The following RABGAP1L variants were observed in gnomAD, a reference collection of about 807,000 sequenced individuals.
RABGAP1L encodes RAB GTPase activating protein 1 like, also known as rab GTPase-activating protein 1-like.
A neutral mutation model predicts 137.7 loss-of-function variants in RABGAP1L; 63 were observed. The observed-to-expected ratio is 0.46, with a 90% CI of 0.37 to 0.56. The LOEUF is 0.56. Among genes scored for constraint, RABGAP1L ranks in the 20% least tolerant of loss-of-function variants. The probability of loss-of-function intolerance (pLI) is 0.00; values close to 1 mark genes in which losing one functional copy is unlikely to be tolerated. For synonymous variants in RABGAP1L, 431 were observed against 433.7 expected (o/e 0.99, Z 0.08); for missense variants, 1,095 against 1,244.0 (o/e 0.88, Z 1.80).
At chr1:174,485,090 G>C (rs1280862427) in intron 13 of RABGAP1L, among the ~76,000 whole-genome samples, 1 of 151,884 alleles carries the variant, frequency 6.6e-6, no homozygotes, top group Non-Finnish European at 1.5e-5. Context: ...TTAATTCCTA[G>C]GTATTTAATT....
At chr1:174,566,143 T>C (rs1005566838) in intron 13 of RABGAP1L, among the ~76,000 whole-genome samples, 2 of 152,152 alleles carry the variant, frequency 1.3e-5, no homozygotes, top group African/African-American at 4.8e-5. Context: ...AAGCTTTTGG[T>C]AATTTCATTG....
chr1:174,704,255 G>A (rs1451742537), intron 17 of RABGAP1L, among the ~76,000 whole-genome samples: 1 of 152,220 alleles, frequency 6.6e-6, no homozygotes, highest in Non-Finnish European at 1.5e-5. Context: ...TTAGAGGCAT[G>A]AGCCACTGCT....
Position 174,925,087 on chromosome 1 carries a change from C to G in RABGAP1L, c.2341-32370C>G, listed in dbSNP as rs1662489225. Among the ~76,000 whole-genome samples the G allele has an allele frequency of 2.0e-5, 3 of 151,956 alleles. No individual in the cohort carries two copies. The South Asian group carries it at 6.2e-4, about 32-fold the overall frequency. ...AAAAGAGAAAAGACAGCGGGTGGGC[C>G]GGGCCTGGTGGCTCATGCCTGTAAT... On this transcript the variant is annotated intron_variant, in intron 19 of 25. Coordinates refer to ENST00000681986, the MANE Select transcript of RABGAP1L (RefSeq NM_001366446.1).
intron 1 of RABGAP1L, among the ~76,000 whole-genome samples, chr1:174,180,244 C>A (rs545880320): frequency 2.1e-4 from 32 of 152,284 alleles, no homozygotes; most frequent in Middle Eastern, 3.4e-3. Context: ...CCAGACAGAC[C>A]TGGTTTGAAC....
At chr1:174,372,436 C>CT (rs1002591675) in intron 12 of RABGAP1L, among the ~76,000 whole-genome samples, 2 of 151,846 alleles carry the variant, frequency 1.3e-5, no homozygotes, top group African/African-American at 2.4e-5. Context: ...TTTTTTTTAA[C>CT]TTTTTTTATA....
intron 13 of RABGAP1L, among the ~76,000 whole-genome samples, chr1:174,439,363 A>G (rs1653862791): frequency 2.0e-5 from 3 of 152,184 alleles, no homozygotes; most frequent in East Asian, 1.9e-4. Flanking sequence ...AGCGGTCACT[A>G]AATCAGTAGA....
chr1:174,649,869 T>C (rs1350214141), intron 14 of RABGAP1L, among the ~76,000 whole-genome samples: 1 of 152,104 alleles, frequency 6.6e-6, no homozygotes, highest in Non-Finnish European at 1.5e-5. Context: ...TCCAACACTA[T>C]GTTGAATAGG....
rs184690331 is a variant in RABGAP1L, at chr1:174,927,137, G to T, written c.2341-30320G>T. 9.6e-4 allele frequency among the ~76,000 whole-genome samples: 146 copies of T among 152,074 alleles called. 1 individual carries two copies. Among genetic ancestry groups the T allele is most frequent in the Middle Eastern group, 3.4e-3 (1 of 290 alleles). On this transcript the variant is annotated intron_variant, in intron 19 of 25. Coordinates refer to ENST00000681986, the MANE Select transcript of RABGAP1L (RefSeq NM_001366446.1). ...CCTTATGTTGTTCCTGATTTTAAAG[G>T]GAACATTTTTAAGATTTCACTGTTA...
At chr1:174,944,418 C>CA (rs1219945830) in intron 19 of RABGAP1L, among the ~76,000 whole-genome samples, 1 of 151,618 alleles carries the variant, frequency 6.6e-6, no homozygotes, top group Non-Finnish European at 1.5e-5. Flanking sequence ...CCAAAGTGTA[C>CA]AGATCACTTG....
intron 19 of RABGAP1L, among the ~76,000 whole-genome samples, chr1:174,899,584 G>C (rs1009503847): frequency 6.6e-6 from 1 of 152,132 alleles, no homozygotes; most frequent in Non-Finnish European, 1.5e-5. Context: ...TATGCACCCT[G>C]AGAGGATCAT....
At chr1:174,713,850 A>G (rs573607829) in intron 17 of RABGAP1L, among the ~76,000 whole-genome samples, 2 of 152,336 alleles carry the variant, frequency 1.3e-5, no homozygotes, top group South Asian at 4.1e-4. Context: ...AGTCAGCATT[A>G]TCTCCTATTC....
At position 174,683,524 on chromosome 1, in the gene RABGAP1L, C is replaced by G. The variant is rs1469759989; in HGVS notation, c.1827C>G (p.Ala609=). The G allele has an allele frequency of 1.8e-5, 28 of 1,595,770 alleles. No individual in the cohort carries two copies. Among genetic ancestry groups the G allele is most frequent in the Non-Finnish European group, 2.3e-5 (27 of 1,164,362 alleles). Residue 609 remains alanine, a splice_region_variant and synonymous_variant, in exon 15 of 26, where the codon GCC becomes GCG. Transcript: ENST00000681986. ...GQESLYKICK[A]YSVYDEDIGY... is the part of the protein sequence containing the mutation. Reference sequence around the variant, plus strand: ...CTTTCTTTTCATCTTTTCTCTAGGCCTACTCTGTGTATGATGAAGACATTG... The same window carrying G: ...CTTTCTTTTCATCTTTTCTCTAGGCGTACTCTGTGTATGATGAAGACATTG...
At chr1:174,165,181 G>A (rs947435697) in intron 1 of RABGAP1L, among the ~76,000 whole-genome samples, 3 of 151,992 alleles carry the variant, frequency 2.0e-5, no homozygotes, top group Non-Finnish European at 2.9e-5. Flanking sequence ...TTTGTTTTTC[G>A]TTTTTGACCC....
At chr1:174,445,991 G>A (rs1033017843) in intron 13 of RABGAP1L, among the ~76,000 whole-genome samples, 2 of 152,164 alleles carry the variant, frequency 1.3e-5, no homozygotes, top group African/African-American at 4.8e-5. Context: ...GTTACCTAGT[G>A]ACAGTTTCAG....
intron 19 of RABGAP1L, among the ~76,000 whole-genome samples, chr1:174,907,558 A>G (rs1659304160): frequency 6.6e-6 from 1 of 151,948 alleles, no homozygotes; most frequent in Non-Finnish European, 1.5e-5. Flanking sequence ...CAAATGATCC[A>G]CCCACCTCGG....
chr1:174,515,598 A>G (rs546292001), intron 13 of RABGAP1L, among the ~76,000 whole-genome samples: 5 of 152,264 alleles, frequency 3.3e-5, no homozygotes, highest in African/African-American at 1.2e-4. Context: ...TACCTGTGTT[A>G]GTTACTTTCT....
chr1:174,320,379 A>G (rs1262664436), intron 11 of RABGAP1L, among the ~76,000 whole-genome samples: 1 of 152,194 alleles, frequency 6.6e-6, no homozygotes, highest in African/African-American at 2.4e-5. Flanking sequence ...TACGTAGCAT[A>G]ATGCCTTTTA....
intron 19 of RABGAP1L, among the ~76,000 whole-genome samples, chr1:174,946,316 T>G (rs1226854306): frequency 6.6e-6 from 1 of 152,180 alleles, no homozygotes; most frequent in East Asian, 1.9e-4. Context: ...ACATAGTGTA[T>G]GACTAAGGCT....
chr1:174,614,880 G>A (rs1331728746), intron 13 of RABGAP1L, among the ~76,000 whole-genome samples: 2 of 152,094 alleles, frequency 1.3e-5, no homozygotes, highest in African/African-American at 4.8e-5. Flanking sequence ...CGGCTCCTGA[G>A]GCTTCTGCAT....
Sources: gnomAD v4.1 joint callset for allele counts (sites outside exome capture counted in the v4.1 genomes callset) on GRCh38, gnomAD v4.1.1 for gene constraint, MANE v1.5 for transcripts, NCBI Gene and HGNC (gene_info 2026-07-23, HGNC 2026-07-21) for gene names.